FBXL7: variants seen among roughly 807,000 people sequenced by gnomAD.
FBXL7 encodes F-box and leucine rich repeat protein 7.
In FBXL7, 12 loss-of-function variants were observed where a neutral mutation model predicts 38.3. The observed-to-expected ratio is 0.31, with a 90% CI of 0.20 to 0.51. The LOEUF is 0.51. Among genes scored for constraint, FBXL7 ranks in the 20% least tolerant of loss-of-function variants. The probability of loss-of-function intolerance (pLI) is 0.98; values close to 1 mark genes in which losing one functional copy is unlikely to be tolerated. For synonymous variants in FBXL7, 297 were observed against 300.9 expected (o/e 0.99, Z 0.13); for missense variants, 567 against 676.4 (o/e 0.84, Z 1.79).
chr5:15,867,074 T>A (rs1464468400), intron 2 of FBXL7, among the ~76,000 whole-genome samples: 1 of 152,218 alleles, frequency 6.6e-6, no homozygotes, highest in Non-Finnish European at 1.5e-5. Flanking sequence ...TAAATCCTGA[T>A]ATTCAAATCT....
intron 2 of FBXL7, among the ~76,000 whole-genome samples, chr5:15,664,196 A>G (rs925512382): frequency 3.3e-5 from 5 of 152,104 alleles, no homozygotes; most frequent in East Asian, 1.9e-4. Context: ...CTACTTTCAG[A>G]TAGTATTATA....
rs183438374 is a variant in FBXL7, at chr5:15,666,478, G to T, written c.127+50406G>T. Among the ~76,000 whole-genome samples the T allele has an allele frequency of 3.1e-3, 475 of 152,238 alleles. 3 individuals are homozygous for T. Among genetic ancestry groups the T allele is most frequent in the Non-Finnish European group, 5.6e-3 (378 of 67,982 alleles). On this transcript the variant is annotated intron_variant, in intron 2 of 3. Coordinates refer to ENST00000504595, the MANE Select transcript of FBXL7 (RefSeq NM_012304.5). ...TAGTAAAGCCATGCTAGCTATTAAT[G>T]ATCACTACTTCAACTTATAGACACT... is the stretch of plus-strand genomic sequence containing the variant.
intron 2 of FBXL7, among the ~76,000 whole-genome samples, chr5:15,721,264 T>C (rs979271845): frequency 2.6e-5 from 4 of 152,174 alleles, no homozygotes; most frequent in African/African-American, 7.2e-5. Flanking sequence ...GTAAAACCTA[T>C]GCTATCAAGC....
chr5:15,743,885 G>T (rs769548760), intron 2 of FBXL7, among the ~76,000 whole-genome samples: 1 of 152,174 alleles, frequency 6.6e-6, no homozygotes, highest in Non-Finnish European at 1.5e-5. Flanking sequence ...ATCCACCAAG[G>T]CTTGGGGCTT....
At chr5:15,896,148 C>T (rs1656656939) in intron 2 of FBXL7, among the ~76,000 whole-genome samples, 1 of 151,924 alleles carries the variant, frequency 6.6e-6, no homozygotes, top group Admixed American at 6.6e-5. Flanking sequence ...CCTCAGCCTC[C>T]CAAGTATGTG....
At chr5:15,522,065 C>G (rs1737111501) in intron 1 of FBXL7, among the ~76,000 whole-genome samples, 1 of 152,194 alleles carries the variant, frequency 6.6e-6, no homozygotes, top group Admixed American at 6.5e-5. Flanking sequence ...TTATACGTGT[C>G]TATGTAAATC....
At chr5:15,551,608 T>C (rs1738073406) in intron 1 of FBXL7, among the ~76,000 whole-genome samples, 1 of 152,222 alleles carries the variant, frequency 6.6e-6, no homozygotes, top group Non-Finnish European at 1.5e-5. Flanking sequence ...TGGATCTTTA[T>C]TCATTTATTT....
intron 2 of FBXL7, among the ~76,000 whole-genome samples, chr5:15,626,454 A>C (rs935013788): frequency 6.6e-6 from 1 of 152,158 alleles, no homozygotes; most frequent in African/African-American, 2.4e-5. Flanking sequence ...GCAAGTAATA[A>C]GTTTAATTTC....
At chr5:15,757,603 T>C (rs747142974) in intron 2 of FBXL7, among the ~76,000 whole-genome samples, 1 of 152,050 alleles carries the variant, frequency 6.6e-6, no homozygotes, top group Admixed American at 6.6e-5. Context: ...CTAGAGGTGA[T>C]GCACAGAAGA....
intron 2 of FBXL7, among the ~76,000 whole-genome samples, chr5:15,822,847 C>A (rs1197702661): frequency 1.3e-5 from 2 of 152,056 alleles, no homozygotes; most frequent in Non-Finnish European, 2.9e-5. Flanking sequence ...TAGTAAATCA[C>A]CTAGAAGGCT....
chr5:15,720,960 TTAG>T (rs1744179943), intron 2 of FBXL7, among the ~76,000 whole-genome samples: 1 of 152,160 alleles, frequency 6.6e-6, no homozygotes, highest in Non-Finnish European at 1.5e-5. Context: ...TTTTCTTCTA[TTAG>T]TTTATATTCA....
chr5:15,781,686 A>C (rs1343096636), intron 2 of FBXL7, among the ~76,000 whole-genome samples: 2 of 152,102 alleles, frequency 1.3e-5, no homozygotes, highest in Non-Finnish European at 2.9e-5. Context: ...TTTTAATAAA[A>C]AGTACTTTAA....
In FBXL7 at chr5:15,529,390, C is replaced by CTT. The variant is rs549646236; in HGVS notation, c.37+28689_37+28690dup. Among the ~76,000 whole-genome samples, 18 of 144,664 alleles carry CTT rather than the reference C, an allele frequency of 1.2e-4. No individual in the cohort carries two copies. In the South Asian group the frequency reaches 1.8e-3, roughly 14 times the overall value. The allele number at this position is 144,664 out of a possible 152,430, so 94.9% of individuals were successfully genotyped here. A position where few individuals can be genotyped will look rare whatever the true frequency, so the allele number is the denominator to read the frequency against. On this transcript the variant is annotated intron_variant, in intron 1 of 3. Coordinates refer to ENST00000504595, the MANE Select transcript of FBXL7 (RefSeq NM_012304.5). ...AAAGCTAAGTGTTGTAACCTAACTT[C>CTT]TTTTTTTTTTTTTAAGACAGAGTCT... is the stretch of plus-strand genomic sequence containing the variant.
intron 1 of FBXL7, among the ~76,000 whole-genome samples, chr5:15,502,174 C>A (rs566780863): frequency 6.6e-6 from 1 of 152,206 alleles, no homozygotes; most frequent in East Asian, 1.9e-4. Flanking sequence ...GCTAGTTGAA[C>A]ACTGTCGGGG....
intron 2 of FBXL7, among the ~76,000 whole-genome samples, chr5:15,896,414 G>T (rs1255905196): frequency 6.6e-6 from 1 of 152,136 alleles, no homozygotes; most frequent in Non-Finnish European, 1.5e-5. Flanking sequence ...TCAGAATGTT[G>T]AAAAAAGCCT....
intron 2 of FBXL7, among the ~76,000 whole-genome samples, chr5:15,654,276 G>A (rs1389419341): frequency 6.6e-6 from 1 of 152,166 alleles, no homozygotes; most frequent in Non-Finnish European, 1.5e-5. Flanking sequence ...CTACCTTGAT[G>A]TGCAAATGGT....
At chr5:15,750,751 A>G (rs780988224) in intron 2 of FBXL7, among the ~76,000 whole-genome samples, 45 of 152,088 alleles carry the variant, frequency 3.0e-4, no homozygotes, top group Non-Finnish European at 4.1e-4. Flanking sequence ...GCCTTACTCC[A>G]GTTTCTATAT....
At chr5:15,601,263 T>C (rs1189511267) in intron 1 of FBXL7, among the ~76,000 whole-genome samples, 2 of 97,438 alleles carry the variant, frequency 2.1e-5, no homozygotes, top group East Asian at 4.6e-4. Flanking sequence ...ACAAGTCTTT[T>C]CATGATCTGT....
intron 2 of FBXL7, among the ~76,000 whole-genome samples, chr5:15,925,094 A>C (rs952317681): frequency 1.3e-5 from 2 of 152,266 alleles, no homozygotes; most frequent in African/African-American, 4.8e-5. Context: ...ACTGCAAAGC[A>C]TATGACAAAG....
Sources: allele counts gnomAD v4.1 joint callset (sites outside exome capture counted in the v4.1 genomes callset), GRCh38; gene constraint gnomAD v4.1.1; transcripts MANE v1.5; gene names NCBI Gene and HGNC (gene_info 2026-07-23, HGNC 2026-07-21).